MEI4: variants seen among roughly 807,000 people sequenced by gnomAD.
The protein encoded by MEI4 is meiotic double-stranded break formation protein 4, also known as meiosis-specific protein MEI4.
MEI4 carries 27 observed loss-of-function variants against 31.4 expected under a neutral mutation model. That is an observed-to-expected ratio of 0.86 (90% CI 0.63 to 1.19). MEI4 has a LOEUF of 1.19. Ranked by LOEUF, MEI4 falls within the 50% of genes most tolerant of loss-of-function variation. The probability of loss-of-function intolerance (pLI) is 0.00; values close to 1 mark genes in which losing one functional copy is unlikely to be tolerated. For synonymous variants in MEI4, 122 were observed against 145.4 expected, an observed-to-expected ratio of 0.84 and a Z score of 1.16; for missense variants, 329 against 398.9, an observed-to-expected ratio of 0.82 and a Z score of 1.49.
intron 4 of MEI4, among the ~76,000 whole-genome samples, chr6:77,868,073 T>G (rs1771092828): frequency 2.1e-5 from 3 of 143,322 alleles, no homozygotes; most frequent in African/African-American, 5.2e-5. Context: ...TGTTGTGGGG[T>G]GAGGGGTGGG....
chr6:77,743,102 G>A (rs1018014985), intron 2 of MEI4, among the ~76,000 whole-genome samples: 15 of 152,160 alleles, frequency 9.9e-5, no homozygotes, highest in Admixed American at 7.2e-4. Context: ...TTGGCGATGC[G>A]GGCTCTTTTT....
chr6:77,737,724 A>T (rs1172949306), intron 2 of MEI4, among the ~76,000 whole-genome samples: 1 of 152,170 alleles, frequency 6.6e-6, no homozygotes, highest in Non-Finnish European at 1.5e-5. Flanking sequence ...AAAGCCCCCA[A>T]AGGGGAACAA....
chr6:77,833,252 C>T (rs1206094356), intron 4 of MEI4, among the ~76,000 whole-genome samples: 1 of 151,814 alleles, frequency 6.6e-6, no homozygotes, highest in Non-Finnish European at 1.5e-5. Context: ...GAAAAAGTGG[C>T]TTCTTTATGT....
intron 1 of MEI4, among the ~76,000 whole-genome samples, chr6:77,666,917 GT>G (rs1768649762): frequency 6.6e-6 from 1 of 151,902 alleles, no homozygotes; most frequent in Non-Finnish European, 1.5e-5. Context: ...TGCTGTGGTA[GT>G]AGGCTGAGAT....
chr6:77,683,467 A>G (rs1281221578), intron 1 of MEI4, among the ~76,000 whole-genome samples: 1 of 152,122 alleles, frequency 6.6e-6, no homozygotes, highest in East Asian at 1.9e-4. Context: ...AACATTATTA[A>G]CTATGTCACC....
chr6:77,675,094 T>TAC (rs77813567), intron 1 of MEI4, among the ~76,000 whole-genome samples: 102,860 of 151,706 alleles, frequency 0.68, 35,455 homozygotes, highest in African/African-American at 0.81. Context: ...TCATTTTTAT[T>TAC]AGACAGTGAA....
At position 77,797,260 on chromosome 6, in the gene MEI4, G is replaced by A. The variant is rs1279517626; in HGVS notation, c.769-31671G>A. On this transcript the variant is annotated intron_variant, in intron 3 of 4. Transcript: ENST00000684080. ...TCTTATAAGAAAGCATAGGAAAAAAGTTCTTTGACATTGGTCTTGGCAGTG... is the reference window on the plus strand; with the variant it reads ...TCTTATAAGAAAGCATAGGAAAAAAATTCTTTGACATTGGTCTTGGCAGTG... Among the ~76,000 whole-genome samples, 3 of 152,112 alleles carry A rather than the reference G, an allele frequency of 2.0e-5. No homozygotes were observed. In the East Asian group the frequency reaches 5.8e-4, roughly 29 times the overall value.
At chr6:77,758,114 C>T (rs890652478) in intron 2 of MEI4, among the ~76,000 whole-genome samples, 21 of 148,206 alleles carry the variant, frequency 1.4e-4, no homozygotes, top group African/African-American at 5.2e-4. Flanking sequence ...AAGATCGTGC[C>T]ACTGCACTCC....
At chr6:77,670,421 C>A (rs1431433188) in intron 1 of MEI4, among the ~76,000 whole-genome samples, 2 of 152,090 alleles carry the variant, frequency 1.3e-5, no homozygotes, top group Non-Finnish European at 2.9e-5. Flanking sequence ...CAGACTGAAC[C>A]ATAACATCTA....
At chr6:77,910,596 G>A (rs1265201337) in intron 4 of MEI4, among the ~76,000 whole-genome samples, 2 of 152,106 alleles carry the variant, frequency 1.3e-5, no homozygotes, top group South Asian at 2.1e-4. Flanking sequence ...TCATGGGTAG[G>A]AAGAATCAAT....
intron 4 of MEI4, among the ~76,000 whole-genome samples, chr6:77,850,868 A>C (rs1350623446): frequency 6.6e-6 from 1 of 152,076 alleles, no homozygotes; most frequent in African/African-American, 2.4e-5. Flanking sequence ...AATGGGAGAA[A>C]ATTTCTGCAG....
At chr6:77,819,201 A>G (rs1769757915) in intron 3 of MEI4, among the ~76,000 whole-genome samples, 1 of 152,112 alleles carries the variant, frequency 6.6e-6, no homozygotes. Context: ...TACCATTTCT[A>G]TGTCAATTAC....
intron 4 of MEI4, among the ~76,000 whole-genome samples, chr6:77,909,773 C>T (rs1766388703): frequency 6.6e-6 from 1 of 152,126 alleles, no homozygotes; most frequent in Non-Finnish European, 1.5e-5. Flanking sequence ...AATTTTAGAC[C>T]AATATCCCTG....
At chr6:77,832,304 T>C (rs1227361967) in intron 4 of MEI4, among the ~76,000 whole-genome samples, 2 of 152,006 alleles carry the variant, frequency 1.3e-5, no homozygotes, top group Non-Finnish European at 2.9e-5. Context: ...TTTAATGATA[T>C]AAACTTTTCT....
chr6:77,658,354 A>C, intron 1 of MEI4, among the ~76,000 whole-genome samples: 1 of 152,166 alleles, frequency 6.6e-6, no homozygotes, highest in East Asian at 1.9e-4. Context: ...TCATCAGTTA[A>C]GGCTGTTTTT....
rs568041461 is a variant in MEI4, at chr6:77,779,844, A to G, written c.768+18179A>G. Among the ~76,000 whole-genome samples, 11 of 152,312 alleles carry G rather than the reference A, an allele frequency of 7.2e-5. No individual in the cohort carries two copies. The South Asian group carries it at 1.0e-3, about 14-fold the overall frequency. On this transcript the variant is annotated intron_variant, in intron 3 of 4. Coordinates refer to ENST00000684080, the MANE Select transcript of MEI4 (RefSeq NM_001322247.2). The stretch of plus-strand genomic sequence containing the variant: ...TCATTTTGAGAGTTAACACTTTAAA[A>G]TAAGCACTATTTTTCCTGATGAGAA...
chr6:77,910,214 C>A (rs537394241), intron 4 of MEI4, among the ~76,000 whole-genome samples: 1 of 152,062 alleles, frequency 6.6e-6, no homozygotes, highest in African/African-American at 2.4e-5. Flanking sequence ...CCAGGGCAAT[C>A]AGGCAGGAGA....
chr6:77,753,180 A>G (rs1010227698), intron 2 of MEI4, among the ~76,000 whole-genome samples: 5 of 152,230 alleles, frequency 3.3e-5, no homozygotes, highest in Admixed American at 1.3e-4. Flanking sequence ...ACCATTCAGG[A>G]CATAGGCATG....
chr6:77,709,227 G>A (rs1470835305), intron 2 of MEI4, among the ~76,000 whole-genome samples: 1 of 152,066 alleles, frequency 6.6e-6, no homozygotes, highest in African/African-American at 2.4e-5. Flanking sequence ...TGCATCCAGA[G>A]GAAGCTGTTT....
Sources: allele counts gnomAD v4.1 joint callset (sites outside exome capture counted in the v4.1 genomes callset), GRCh38; gene constraint gnomAD v4.1.1; transcripts MANE v1.5; gene names NCBI Gene and HGNC (gene_info 2026-07-23, HGNC 2026-07-21).